The following C5 variants were observed in gnomAD, a reference collection of about 807,000 sequenced individuals.
The protein encoded by C5 is complement C5.
Under a neutral mutation model 218.8 loss-of-function variants are expected in C5, and 140 were observed. That is an observed-to-expected ratio of 0.64 (90% confidence interval 0.56 to 0.74). The LOEUF is 0.74. Among genes scored for constraint, C5 ranks in the 30% least tolerant of loss-of-function variants. The pLI, the probability that C5 is intolerant of heterozygous loss-of-function variation, is 0.00. For missense variants in C5, 1,700 were observed against 1,969.6 expected (o/e 0.86, Z 2.59); for synonymous variants, 614 against 682.3 (o/e 0.90, Z 1.56).
chr9:120,988,966 G>T, intron 25 of C5, 80 bp downstream of exon 25: 1 of 1,018,806 alleles, frequency 9.8e-7, no homozygotes, highest in African/African-American at 1.6e-5. Flanking sequence ...GCAACTGGAG[G>T]AATGGAGTTT....
At chr9:121,018,768 A>G (rs2047337474) in intron 12 of C5, among the ~76,000 whole-genome samples, 2 of 150,878 alleles carry the variant, frequency 1.3e-5, no homozygotes, top group African/African-American at 4.9e-5. Flanking sequence ...GAAGGAAGGA[A>G]GGAAGGAAGG....
the C5 span, among the ~76,000 whole-genome samples, chr9:121,059,477 G>A: frequency 1.3e-5 from 2 of 152,108 alleles, no homozygotes; most frequent in Non-Finnish European, 2.9e-5. The surrounding 1 kb of genome is among the most constrained non-coding windows in gnomAD (Gnocchi z 4.1). Flanking sequence ...ACTGAGCCAC[G>A]CTTTTTCAGA....
intron 10 of C5, 28 bp downstream of exon 10, chr9:121,023,376 G>C: frequency 7.8e-7 from 1 of 1,286,434 alleles, no homozygotes; most frequent in South Asian, 1.2e-5. Flanking sequence ...ATCATATGTA[G>C]CAACGTCTAC....
At position 121,020,302 on chromosome 9, in the gene C5, G is replaced by C. The variant is rs1026002191; in HGVS notation, c.1303-123C>G. The C allele has an allele frequency of 2.9e-5, 23 of 796,592 alleles. 1 individual carries two copies. The highest frequency in any genetic ancestry group is 4.4e-5 in the Non-Finnish European group (21 of 474,308). The allele number at this position is 796,592 out of a possible 1,614,324, so 49.3% of individuals were successfully genotyped here. Reference sequence around the variant, plus strand: ...AATTTCACAATAACAAATGCTAAAGGGGAAAAAACCCTCCATTACTTCAGT... The same window carrying C: ...AATTTCACAATAACAAATGCTAAAGCGGAAAAAACCCTCCATTACTTCAGT... On this transcript the variant is annotated intron_variant, in intron 11 of 40. Transcript: ENST00000223642.
chr9:121,047,296 G>T (rs2047636056), intron 1 of C5, among the ~76,000 whole-genome samples: 1 of 152,116 alleles, frequency 6.6e-6, no homozygotes, highest in South Asian at 2.1e-4. Flanking sequence ...TTGAGGTCAA[G>T]TTTATATGTT....
chr9:121,051,879 C>T (rs1292460428), upstream of C5, among the ~76,000 whole-genome samples: 1 of 152,124 alleles, frequency 6.6e-6, no homozygotes, highest in Non-Finnish European at 1.5e-5. Flanking sequence ...ACAAACAGTA[C>T]TTTTGCCATC....
chr9:121,017,814 C>T lies in C5; in HGVS notation c.1545G>A (p.Arg515=), dbSNP rs757040137. ...SKGKIIHFGT[R]EKFSDASYQS... ...GATAAGATGCATCTGAAAATTTCTC[C>T]CTCGTGCCAAAGTGGATAATTTTGC... Residue 515 remains arginine (R), a synonymous_variant, in exon 13 of 41, where the codon AGG becomes AGA. Transcript: ENST00000223642. The T allele has an allele frequency of 6.2e-7, 1 of 1,613,618 alleles. No individual in the cohort carries two copies.
At chr9:120,976,970 C>T (rs926545591) in intron 28 of C5, 65 bp from the exon 29 acceptor site, 28 of 1,405,852 alleles carry the variant, frequency 2.0e-5, no homozygotes, top group Non-Finnish European at 2.6e-5. Context: ...AATAATTCTA[C>T]CAGGTGTATT....
At chr9:121,021,827 T>A in intron 10 of C5, 133 bp from the exon 11 acceptor site, 1 of 837,170 alleles carries the variant, frequency 1.2e-6, no homozygotes, top group African/African-American at 1.7e-5. Context: ...ATTTTTTTTC[T>A]GAGACAGAGA....
At chr9:120,980,368 G>C (rs2046983346) in intron 27 of C5, 114 bp from the exon 28 acceptor site, 1 of 861,604 alleles carries the variant, frequency 1.2e-6, no homozygotes, top group Non-Finnish European at 1.9e-6. Context: ...GTGAAAAGAG[G>C]ACTGACCTAA....
chr9:120,993,184 C>T (rs1268184929), intron 22 of C5, among the ~76,000 whole-genome samples: 1 of 152,084 alleles, frequency 6.6e-6, no homozygotes, highest in Non-Finnish European at 1.5e-5. Flanking sequence ...AGACGAGAAC[C>T]CTCGTGCACT....
At chr9:121,063,425 C>T in the C5 span, among the ~76,000 whole-genome samples, 28 of 152,066 alleles carry the variant, frequency 1.8e-4, no homozygotes, top group African/African-American at 6.0e-4. Context: ...AGCTCTTACA[C>T]TTCTCTTTAG....
chr9:121,012,515 TCAAACAAA>T (rs926908200), intron 17 of C5, among the ~76,000 whole-genome samples: 1 of 152,006 alleles, frequency 6.6e-6, no homozygotes. Flanking sequence ...ACTCTGTCTC[TCAAACAAA>T]CAAACAAACA....
At chr9:121,058,488 G>T in the C5 span, among the ~76,000 whole-genome samples, 4 of 152,118 alleles carry the variant, frequency 2.6e-5, no homozygotes, top group Non-Finnish European at 4.4e-5. Context: ...ACACAGGCTG[G>T]AGTGCAGTAG....
the C5 span, among the ~76,000 whole-genome samples, chr9:121,058,635 C>T: frequency 6.6e-6 from 1 of 151,680 alleles, no homozygotes; most frequent in Non-Finnish European, 1.5e-5. Flanking sequence ...GATGGGGTTT[C>T]ACCATATTGG....
chr9:120,989,082 G>A lies in C5; in HGVS notation c.3194C>T (p.Ser1065Phe). The A allele has an allele frequency of 6.2e-7, 1 of 1,613,904 alleles. No individual in the cohort carries two copies. Among genetic ancestry groups the A allele is most frequent in the Non-Finnish European group, 8.5e-7 (1 of 1,179,820 alleles). Residue 1065 changes from serine (S) to phenylalanine (F), a missense_variant, in exon 25 of 41, where the codon TCT (serine) becomes TTT (phenylalanine). By Grantham distance (155) the Ser-to-Phe change is radical. Coordinates refer to ENST00000223642, the MANE Select transcript of C5 (RefSeq NM_001735.3). ...SIMSYRNADY[S>F]YSVWKGGSAS... ...ACTTCCACCCTTCCACACACTGTAA[G>A]AGTAGTCAGCATTTCTGTAGGACAT... is the stretch of plus-strand genomic sequence containing the variant.
Position 120,952,653 on chromosome 9 carries a change from G to C in C5, c.*86C>G. On this transcript the variant is annotated 3_prime_UTR_variant, in exon 41 of 41. Coordinates refer to ENST00000223642, the MANE Select transcript of C5 (RefSeq NM_001735.3). ...TTTACAAATAAGACCAGCTATGAAT[G>C]TTTAAAAAAAGAAGAAAACAAAAAA... The C allele has an allele frequency of 7.2e-7, 1 of 1,388,236 alleles. No individual in the cohort carries two copies. Among genetic ancestry groups the C allele is most frequent in the Non-Finnish European group, 1.0e-6 (1 of 988,026 alleles). 86.0% of individuals were successfully genotyped at this position (1,388,236 alleles called of 1,614,324 possible).
intron 11 of C5, among the ~76,000 whole-genome samples, chr9:121,020,666 G>A (rs544403684): frequency 1.3e-5 from 2 of 152,282 alleles, no homozygotes; most frequent in East Asian, 1.9e-4. Flanking sequence ...ATAAATATGA[G>A]GTGGAGAAGA....
intron 31 of C5, among the ~76,000 whole-genome samples, chr9:120,970,639 A>G (rs534371281): frequency 6.6e-6 from 1 of 152,330 alleles, no homozygotes; most frequent in East Asian, 1.9e-4. Context: ...CATGGCAAAC[A>G]ACAAATTATA....
Sources: gnomAD v4.1 joint callset for allele counts (sites outside exome capture counted in the v4.1 genomes callset) on GRCh38, gnomAD v4.1.1 for gene constraint, Gnocchi (gnomAD v3.1) non-coding constraint, MANE v1.5 for transcripts, NCBI Gene and HGNC (gene_info 2026-07-23, HGNC 2026-07-21) for gene names.